RALYL: variants seen among roughly 807,000 people sequenced by gnomAD.
The protein encoded by RALYL is RNA-binding Raly-like protein.
Under a neutral mutation model 35.1 loss-of-function variants are expected in RALYL, and 29 were observed. The observed-to-expected ratio is 0.83, with a 90% CI of 0.61 to 1.13. RALYL has a LOEUF of 1.13. RALYL is among the 50% of genes most tolerant of loss of function. RALYL has a pLI of 0.00. For missense variants in RALYL, 359 were observed against 360.4 expected, an observed-to-expected ratio of 1.00 and a Z score of 0.03; for synonymous variants, 120 against 127.6, an observed-to-expected ratio of 0.94 and a Z score of 0.40.
intron 2 of RALYL, among the ~76,000 whole-genome samples, chr8:84,732,462 A>G (rs1380078300): frequency 1.3e-5 from 2 of 152,010 alleles, no homozygotes; most frequent in Non-Finnish European, 2.9e-5. Context: ...TGACATATAG[A>G]AAGTACTGAA....
chr8:84,795,229 T>C (rs1364977826), intron 3 of RALYL, among the ~76,000 whole-genome samples: 1 of 152,194 alleles, frequency 6.6e-6, no homozygotes, highest in African/African-American at 2.4e-5. Flanking sequence ...TAGGTAAATA[T>C]GATGTTCTTC....
chr8:84,484,185 A>T (rs868573388), intron 1 of RALYL, among the ~76,000 whole-genome samples: 7 of 152,142 alleles, frequency 4.6e-5, no homozygotes, highest in Non-Finnish European at 8.8e-5. Context: ...TGAATAACAA[A>T]TTCAAAAACT....
intron 1 of RALYL, among the ~76,000 whole-genome samples, chr8:84,188,041 A>G (rs1812951243): frequency 6.6e-6 from 1 of 152,056 alleles, no homozygotes; most frequent in African/African-American, 2.4e-5. Flanking sequence ...AAATATTTCA[A>G]TTACAATTGA....
At chr8:84,599,081 G>A (rs747894316) in intron 2 of RALYL, among the ~76,000 whole-genome samples, 11 of 152,026 alleles carry the variant, frequency 7.2e-5, no homozygotes, top group Non-Finnish European at 1.3e-4. Context: ...TTTCAGTTTA[G>A]GGACACTGTA....
At position 84,741,940 on chromosome 8, in the gene RALYL, A is replaced by AT. The variant is rs549966342; in HGVS notation, c.257-32628dup. Reference sequence around the variant, plus strand: ...AGACAGGTCTATTATTTCCAGGGCCATTTTTTTTTTTATTTTGGTTCTCTT... The same window carrying AT: ...AGACAGGTCTATTATTTCCAGGGCCATTTTTTTTTTTTATTTTGGTTCTCTT... On this transcript the variant is annotated intron_variant, in intron 2 of 8. Transcript: ENST00000521268. Among the ~76,000 whole-genome samples, 950 of 146,384 alleles carry AT rather than the reference A, an allele frequency of 6.5e-3. 11 individuals carry two copies. The highest frequency in any genetic ancestry group is 0.055 in the East Asian group (277 of 5,060).
At chr8:84,187,308 T>C (rs527615285) in intron 1 of RALYL, among the ~76,000 whole-genome samples, 1 of 152,286 alleles carries the variant, frequency 6.6e-6, no homozygotes, top group African/African-American at 2.4e-5. Flanking sequence ...AGTCTTGATA[T>C]AAAGAAAGAA....
In RALYL at chr8:84,759,884, A is replaced by G. The variant is rs181477147; in HGVS notation, c.257-14695A>G. ...TAAATCTTGAGGTTACTGATAAACAATATCTTTTTAAAAACATAGTCTAGA... is the reference window on the plus strand; with the variant it reads ...TAAATCTTGAGGTTACTGATAAACAGTATCTTTTTAAAAACATAGTCTAGA... On this transcript the variant is annotated intron_variant, in intron 2 of 8. Coordinates refer to ENST00000521268, the MANE Select transcript of RALYL (RefSeq NM_173848.7). Among the ~76,000 whole-genome samples, 262 of 152,262 alleles carry G rather than the reference A, an allele frequency of 1.7e-3. 1 individual carries two copies. The highest frequency in any genetic ancestry group is 5.8e-3 in the African/African-American group (240 of 41,556).
rs565085820 is a variant in RALYL, at chr8:84,229,120, A to G, written c.-24+44696A>G. Among the ~76,000 whole-genome samples, 21 of 152,314 alleles carry G rather than the reference A, an allele frequency of 1.4e-4. No homozygotes were observed. In the South Asian group the frequency reaches 4.4e-3, roughly 32 times the overall value. The stretch of plus-strand genomic sequence containing the variant: ...CATCCATTCATTCATACGTGCATAC[A>G]TACCTAAATGCATTTAGTCAATTAA... On this transcript the variant is annotated intron_variant, in intron 1 of 8. Coordinates refer to ENST00000521268, the MANE Select transcript of RALYL (RefSeq NM_173848.7).
chr8:84,412,851 T>A (rs190954053), intron 1 of RALYL, among the ~76,000 whole-genome samples: 61 of 151,940 alleles, frequency 4.0e-4, no homozygotes, highest in African/African-American at 1.3e-3. Flanking sequence ...TAGTTTAAAG[T>A]GAAAACATTT....
At chr8:84,367,319 T>TTTGTTTTTGTTTTTG (rs1563799936) in intron 1 of RALYL, among the ~76,000 whole-genome samples, 6 of 66,336 alleles carry the variant, frequency 9.0e-5, no homozygotes, top group Non-Finnish European at 1.3e-4. Context: ...AATTTTTGTA[T>TTTGTTTTTGTTTTTG]TTTTTTTTTT....
intron 1 of RALYL, among the ~76,000 whole-genome samples, chr8:84,514,092 A>G (rs2057853684): frequency 1.7e-5 from 2 of 121,106 alleles, no homozygotes; most frequent in Non-Finnish European, 3.2e-5. Flanking sequence ...ATTTCATCTA[A>G]AAAAAAAAAA....
chr8:84,764,008 AC>A (rs35479228), intron 2 of RALYL, among the ~76,000 whole-genome samples: 40,765 of 152,066 alleles, frequency 0.27, 5,852 homozygotes, highest in African/African-American at 0.35. Flanking sequence ...AAACAAAAGA[AC>A]AGAGACAGAT....
At chr8:84,532,422 T>G (rs2135026018) in intron 2 of RALYL, among the ~76,000 whole-genome samples, 1 of 152,200 alleles carries the variant, frequency 6.6e-6, no homozygotes, top group African/African-American at 2.4e-5. Context: ...TCAAGTATAT[T>G]AATCACTTGC....
chr8:84,207,334 T>C (rs1245002655), intron 1 of RALYL, among the ~76,000 whole-genome samples: 7 of 151,952 alleles, frequency 4.6e-5, no homozygotes, highest in Non-Finnish European at 1.0e-4. Flanking sequence ...TGTTATATAT[T>C]ATGCTGTATA....
chr8:84,599,375 A>G (rs532273826), intron 2 of RALYL, among the ~76,000 whole-genome samples: 2 of 152,146 alleles, frequency 1.3e-5, no homozygotes, highest in South Asian at 2.1e-4. Context: ...TTAAGTATAT[A>G]TATACAATTG....
At chr8:84,286,044 A>ATCTGATC (rs2132146019) in intron 1 of RALYL, among the ~76,000 whole-genome samples, 1 of 152,280 alleles carries the variant, frequency 6.6e-6, no homozygotes, top group Admixed American at 6.5e-5. Flanking sequence ...GGTGGTGACA[A>ATCTGATC]ATGATCAGAT....
At chr8:84,569,395 C>T (rs1013850442) in intron 2 of RALYL, among the ~76,000 whole-genome samples, 3 of 151,732 alleles carry the variant, frequency 2.0e-5, no homozygotes, top group Non-Finnish European at 2.9e-5. Flanking sequence ...CTGTTCTGTC[C>T]CATTGATCTA....
chr8:84,266,305 G>T (rs561590115), intron 1 of RALYL, among the ~76,000 whole-genome samples: 1 of 151,546 alleles, frequency 6.6e-6, no homozygotes, highest in African/African-American at 2.4e-5. Flanking sequence ...GTTCTCTTTT[G>T]TTTAGTGTCT....
intron 1 of RALYL, among the ~76,000 whole-genome samples, chr8:84,213,152 A>G (rs979813128): frequency 6.6e-6 from 1 of 152,174 alleles, no homozygotes; most frequent in East Asian, 1.9e-4. Context: ...GCACTTTGGG[A>G]GGCCGAGGCG....
Sources: allele counts gnomAD v4.1 joint callset (sites outside exome capture counted in the v4.1 genomes callset), GRCh38; gene constraint gnomAD v4.1.1; transcripts MANE v1.5; gene names NCBI Gene and HGNC (gene_info 2026-07-23, HGNC 2026-07-21).